CERT1: variants seen among roughly 807,000 people sequenced by gnomAD.
The protein encoded by CERT1 is ceramide transporter 1.
CERT1 carries 31 observed loss-of-function variants against 87.9 expected under a neutral mutation model. The observed-to-expected ratio is 0.35, with a 90% CI of 0.27 to 0.48. The LOEUF is 0.48. CERT1 is among the 20% of genes least tolerant of loss of function. The pLI is 0.99. For missense variants in CERT1, 487 were observed against 758.0 expected, an observed-to-expected ratio of 0.64 and a Z score of 4.20; for synonymous variants, 289 against 250.9, an observed-to-expected ratio of 1.15 and a Z score of -1.44.
intron 7 of CERT1, among the ~76,000 whole-genome samples, chr5:75,411,831 T>C (rs1355320885): frequency 6.6e-6 from 1 of 152,184 alleles, no homozygotes; most frequent in Non-Finnish European, 1.5e-5. Flanking sequence ...CAGCAAGTAA[T>C]ACCAGAAAAG....
chr5:75,447,710 G>A (rs570955215), intron 3 of CERT1, among the ~76,000 whole-genome samples: 53 of 151,844 alleles, frequency 3.5e-4, no homozygotes, highest in Middle Eastern at 3.4e-3. Context: ...TCCTGACCTC[G>A]TGATCCACCC....
rs540751366 is a variant in CERT1, at chr5:75,426,480, T to TA, written c.349-3dup. On this transcript the variant is annotated splice_region_variant and splice_polypyrimidine_tract_variant and intron_variant, in intron 3 of 16. Transcript: ENST00000643780. ...TTCAGATCCATATCCAGATTCAGTC[T>TA]AAAAAAAAAAGTAAACTATGTGAAA... The TA allele has an allele frequency of 0.012, 16,075 of 1,302,904 alleles. No homozygotes were observed. Among genetic ancestry groups the TA allele is most frequent in the South Asian group, 0.014 (942 of 66,044 alleles). 80.7% of individuals were successfully genotyped at this position (1,302,904 alleles called of 1,614,324 possible).
chr5:75,427,417 G>A (rs1763663335), intron 3 of CERT1, among the ~76,000 whole-genome samples: 1 of 152,122 alleles, frequency 6.6e-6, no homozygotes, highest in Non-Finnish European at 1.5e-5. Context: ...TGGCCAATAT[G>A]GTGAAACCCT....
At chr5:75,416,726 G>A in intron 7 of CERT1, 150 bp downstream of exon 7, 1 of 548,476 alleles carries the variant, frequency 1.8e-6, no homozygotes, top group East Asian at 3.2e-5. Flanking sequence ...AATGAGTTTA[G>A]GATGCCCATA....
In CERT1 at chr5:75,385,947, C is replaced by T; in HGVS notation, c.1372G>A (p.Val458Ile). ...TCAACATTCCAGAAATAATTGCAGA[C>T]TTCATGTCCTGTGACGCCTTTAACT... ...HAVKGVTGHE[V>I]CNYFWNVDVR... Residue 458 changes from valine (V) to isoleucine (I), a missense_variant, in exon 13 of 17, where the codon GTC (valine) becomes ATC (isoleucine). Physicochemically the swap from Val to Ile is conservative, Grantham distance 29. Coordinates refer to ENST00000643780, the MANE Select transcript of CERT1 (RefSeq NM_001379029.1). 1.3e-6 allele frequency: 2 copies of T among 1,589,556 alleles called. No individual in the cohort carries two copies. Among genetic ancestry groups the T allele is most frequent in the Non-Finnish European group, 8.6e-7 (1 of 1,168,090 alleles).
At chr5:75,415,120 C>G (rs1264005422) in intron 7 of CERT1, among the ~76,000 whole-genome samples, 1 of 151,846 alleles carries the variant, frequency 6.6e-6, no homozygotes, top group Non-Finnish European at 1.5e-5. Flanking sequence ...ACACACATAC[C>G]CTGCATATAT....
At chr5:75,484,700 T>C (rs966348602) in intron 2 of CERT1, among the ~76,000 whole-genome samples, 2 of 151,932 alleles carry the variant, frequency 1.3e-5, no homozygotes, top group African/African-American at 4.8e-5. Context: ...AGTAAATATA[T>C]ATGCAACACT....
chr5:75,382,272 G>A (rs75242098), intron 14 of CERT1, among the ~76,000 whole-genome samples, 195 bp from the exon 15 acceptor site: 2,519 of 152,158 alleles, frequency 0.017, 75 homozygotes, highest in African/African-American at 0.057. Context: ...AAGGAATAAT[G>A]TTCTATTTTT....
chr5:75,398,999 CCTGA>C (rs1762366005), intron 11 of CERT1, among the ~76,000 whole-genome samples: 1 of 152,088 alleles, frequency 6.6e-6, no homozygotes. Context: ...ACTGCTAAAT[CCTGA>C]CTGAAGAAAC....
intron 2 of CERT1, among the ~76,000 whole-genome samples, chr5:75,476,118 G>C (rs539986799): frequency 6.6e-6 from 1 of 152,198 alleles, no homozygotes; most frequent in East Asian, 1.9e-4. Flanking sequence ...TCAATTCATA[G>C]GGATTATTTA....
In CERT1 at chr5:75,404,301, A is replaced by C. The variant is rs185707939; in HGVS notation, c.931-1243T>G. On this transcript the variant is annotated intron_variant, in intron 8 of 16. Transcript: ENST00000643780. ...CTACAACCTACTTCATAAAAAAAAA[A>C]AAAAAAAAAAAAACAACTTTCTATT... 5.1e-3 allele frequency among the ~76,000 whole-genome samples: 710 copies of C among 138,746 alleles called. 3 individuals are homozygous for C. The highest frequency in any genetic ancestry group is 8.6e-3 in the Non-Finnish European group (538 of 62,528). 91.0% of individuals were successfully genotyped at this position (138,746 alleles called of 152,430 possible).
At chr5:75,429,122 C>CA (rs538633084) in intron 3 of CERT1, among the ~76,000 whole-genome samples, 45 of 150,466 alleles carry the variant, frequency 3.0e-4, no homozygotes, top group African/African-American at 1.0e-3. Flanking sequence ...CTCCAGCCTA[C>CA]AGTACATAAA....
At chr5:75,504,359 CT>C (rs1391131539) in intron 2 of CERT1, among the ~76,000 whole-genome samples, 1 of 152,084 alleles carries the variant, frequency 6.6e-6, no homozygotes, top group African/African-American at 2.4e-5. Context: ...AAAATTGTCT[CT>C]AAGAATAGAG....
At chr5:75,384,182 C>A (rs1014818039) in intron 14 of CERT1, among the ~76,000 whole-genome samples, 1 of 152,124 alleles carries the variant, frequency 6.6e-6, no homozygotes, top group Admixed American at 6.6e-5. Context: ...AAACTAGATA[C>A]TAGAAAGGTA....
intron 5 of CERT1, among the ~76,000 whole-genome samples, chr5:75,424,982 G>A (rs1010900327): frequency 6.6e-6 from 1 of 152,102 alleles, no homozygotes; most frequent in Non-Finnish European, 1.5e-5. Context: ...GCTGGGTGTG[G>A]TGATGCACAC....
intron 8 of CERT1, chr5:75,410,778 G>T: frequency 3.6e-6 from 1 of 275,912 alleles, no homozygotes; most frequent in Non-Finnish European, 6.6e-6. Flanking sequence ...CCTATCAAGT[G>T]AACAGGCCTA....
chr5:75,423,201 C>T (rs1338025397), intron 5 of CERT1, among the ~76,000 whole-genome samples: 1 of 152,156 alleles, frequency 6.6e-6, no homozygotes, highest in Non-Finnish European at 1.5e-5. Flanking sequence ...CTTTTTCCAC[C>T]ATCACTTTTG....
chr5:75,455,709 TATACACCACA>T (rs1200503533), intron 3 of CERT1, among the ~76,000 whole-genome samples: 3 of 152,198 alleles, frequency 2.0e-5, no homozygotes, highest in Non-Finnish European at 4.4e-5. Flanking sequence ...GAACTCAGAT[TATACACCACA>T]ATTTGCAGGA....
chr5:75,432,022 C>T (rs1037144046), intron 3 of CERT1, among the ~76,000 whole-genome samples: 19 of 151,138 alleles, frequency 1.3e-4, no homozygotes, highest in African/African-American at 3.2e-4. Flanking sequence ...AACTAATTTA[C>T]GTTCCCACCA....
Sources: gnomAD v4.1 joint callset for allele counts (sites outside exome capture counted in the v4.1 genomes callset) on GRCh38, gnomAD v4.1.1 for gene constraint, MANE v1.5 for transcripts, NCBI Gene and HGNC (gene_info 2026-07-23, HGNC 2026-07-21) for gene names.